Variants in AKT3 observed in about 807,000 individuals in gnomAD.
The protein encoded by AKT3 is RAC-gamma serine/threonine-protein kinase.
AKT3 carries 15 observed loss-of-function variants against 65.3 expected under a neutral mutation model. That is an observed-to-expected ratio of 0.23 (90% CI 0.15 to 0.35). The LOEUF is 0.35. Ranked by LOEUF, AKT3 falls within the 10% of genes least tolerant of loss-of-function variation. AKT3 has a pLI of 1.00. For synonymous variants in AKT3, 206 were observed against 183.8 expected (o/e 1.12, Z -0.98); for missense variants, 243 against 576.5 (o/e 0.42, Z 5.92).
At chr1:243,540,638 T>C (rs1672245315) in intron 12 of AKT3, among the ~76,000 whole-genome samples, 2 of 152,168 alleles carry the variant, frequency 1.3e-5, no homozygotes, top group Admixed American at 6.6e-5. Context: ...TGCAATACTA[T>C]TAACTAAACT....
At chr1:243,625,581 C>G (rs941989251) in intron 6 of AKT3, among the ~76,000 whole-genome samples, 3 of 152,102 alleles carry the variant, frequency 2.0e-5, no homozygotes, top group Non-Finnish European at 4.4e-5. Flanking sequence ...CTGAAAAAAA[C>G]AGACAGTATA....
Position 243,607,082 on chromosome 1 carries a change from A to G in AKT3, c.696+6589T>C, listed in dbSNP as rs566497964. ...TGGATGACCAGTCTGCTGCAGGGGC[A>G]GAGTCCTCATGGAGAACCTCTGCTA... On this transcript the variant is annotated intron_variant, in intron 8 of 13. Coordinates refer to ENST00000673466, the MANE Select transcript of AKT3 (RefSeq NM_005465.7). 2.0e-3 allele frequency among the ~76,000 whole-genome samples: 298 copies of G among 152,380 alleles called. 1 individual carries two copies. The highest frequency in any genetic ancestry group is 6.9e-3 in the African/African-American group (287 of 41,600).
At chr1:243,667,212 G>A (rs1682849095) in intron 3 of AKT3, among the ~76,000 whole-genome samples, 2 of 152,178 alleles carry the variant, frequency 1.3e-5, no homozygotes, top group African/African-American at 4.8e-5. Flanking sequence ...CAGATTCTGT[G>A]TGCCCAATGC....
At chr1:243,832,910 T>C (rs1003229146) in intron 2 of AKT3, among the ~76,000 whole-genome samples, 1 of 152,208 alleles carries the variant, frequency 6.6e-6, no homozygotes, top group South Asian at 2.1e-4. Flanking sequence ...TAGCAATCTG[T>C]TATGGACCAA....
intron 2 of AKT3, among the ~76,000 whole-genome samples, chr1:243,750,377 C>T (rs1688727145): frequency 6.7e-6 from 1 of 149,772 alleles, no homozygotes; most frequent in Non-Finnish European, 1.5e-5. Flanking sequence ...CCTTCTCCCA[C>T]CTTCTCTCCC....
chr1:243,489,051 C>T, intron 13 of AKT3: 1 of 1,613,416 alleles, frequency 6.2e-7, no homozygotes, highest in Non-Finnish European at 8.5e-7. Context: ...GGCCACAGCC[C>T]AGCAGCTGGT....
intron 2 of AKT3, among the ~76,000 whole-genome samples, chr1:243,754,723 T>C (rs1689018148): frequency 6.6e-6 from 1 of 152,184 alleles, no homozygotes; most frequent in Admixed American, 6.5e-5. Context: ...CCTGATGGTC[T>C]GAAGTGCAAC....
intron 3 of AKT3, among the ~76,000 whole-genome samples, chr1:243,683,283 T>G (rs1684049990): frequency 6.6e-6 from 1 of 152,172 alleles, no homozygotes. Flanking sequence ...GTTGGTTTCC[T>G]TATTTCCTTC....
chr1:243,552,288 CAAAAAAAAAA>C lies in AKT3; in HGVS notation c.1163+431_1163+440del, dbSNP rs33995513. On this transcript the variant is annotated intron_variant, in intron 11 of 13. Transcript: ENST00000673466. Reference sequence around the variant, plus strand: ...TGGGTGGCAGAGTGAGACTCTGTCTCAAAAAAAAAAAAAAAAAAAAAAAAAAATGCAATTA... The same window carrying C: ...TGGGTGGCAGAGTGAGACTCTGTCTCAAAAAAAAAAAAAAAAATGCAATTA... 9.4e-4 allele frequency among the ~76,000 whole-genome samples: 47 copies of C among 50,166 alleles called. 1 individual carries two copies. Among genetic ancestry groups the C allele is most frequent in the East Asian group, 2.0e-3 (3 of 1,488 alleles). 32.9% of individuals were successfully genotyped at this position (50,166 alleles called of 152,430 possible). A position where few individuals can be genotyped will look rare whatever the true frequency, so the allele number is the denominator to read the frequency against.
At position 243,502,238 on chromosome 1, in the gene AKT3, A is replaced by T. The variant is rs1367561227; in HGVS notation, c.*3011T>A. 2 of 232,650 alleles carry T rather than the reference A, an allele frequency of 8.6e-6. No individual in the cohort carries two copies. The highest frequency in any genetic ancestry group is 1.7e-5 in the Non-Finnish European group (2 of 117,772). 14.4% of individuals were successfully genotyped at this position (232,650 alleles called of 1,614,324 possible). ...GTGTATGTTGAGGTGTAATAGAGAG[A>T]CCCTGCAGTTAGTAAGGAAGGCCCT... is the stretch of plus-strand genomic sequence containing the variant. On this transcript the variant is annotated 3_prime_UTR_variant, in exon 14 of 14. Coordinates refer to ENST00000673466, the MANE Select transcript of AKT3 (RefSeq NM_005465.7).
chr1:243,500,086 T>TAAAG lies in AKT3; in HGVS notation c.*5159_*5162dup, dbSNP rs1553387590. The TAAAG allele has an allele frequency of 1.7e-5, 7 of 418,990 alleles. No homozygotes were observed. The East Asian group carries it at 2.5e-4, about 15-fold the overall frequency. The allele number at this position is 418,990 out of a possible 1,614,324, so 26.0% of individuals were successfully genotyped here. On this transcript the variant is annotated 3_prime_UTR_variant, in exon 14 of 14. Coordinates refer to ENST00000673466, the MANE Select transcript of AKT3 (RefSeq NM_005465.7). ...TATGATTTTCAATAAATGAACTTTT[T>TAAAG]AAAGACTTGAGTTGTAATGTTTCCT...
chr1:243,573,129 C>T (rs1674682782), intron 8 of AKT3, 81 bp from the exon 9 acceptor site: 1 of 1,494,208 alleles, frequency 6.7e-7, no homozygotes, highest in Admixed American at 1.8e-5. Context: ...AAACACCTCT[C>T]ATCACCATAT....
At chr1:243,798,645 T>C (rs1317440313) in intron 2 of AKT3, among the ~76,000 whole-genome samples, 2 of 152,148 alleles carry the variant, frequency 1.3e-5, no homozygotes, top group Admixed American at 6.5e-5. Context: ...AGCTCACTCC[T>C]AGACAGCAAA....
intron 12 of AKT3, among the ~76,000 whole-genome samples, chr1:243,531,714 T>C (rs1277192653): frequency 1.3e-5 from 2 of 152,232 alleles, no homozygotes; most frequent in African/African-American, 2.4e-5. Flanking sequence ...TTTTGAGTAC[T>C]CTCATCTTAA....
At chr1:243,683,257 T>C (rs190635886) in intron 3 of AKT3, among the ~76,000 whole-genome samples, 1 of 152,322 alleles carries the variant, frequency 6.6e-6, no homozygotes, top group East Asian at 1.9e-4. Context: ...TGATACATAG[T>C]AACGCTCAAA....
At chr1:243,489,479 G>A (rs1181144373) in intron 13 of AKT3, among the ~76,000 whole-genome samples, 3 of 152,216 alleles carry the variant, frequency 2.0e-5, no homozygotes, top group Non-Finnish European at 4.4e-5. Context: ...AGGCTTTTTG[G>A]AGGATGGTGG....
At chr1:243,769,825 G>A (rs186251758) in intron 2 of AKT3, among the ~76,000 whole-genome samples, 45 of 152,180 alleles carry the variant, frequency 3.0e-4, no homozygotes, top group African/African-American at 8.2e-4. Flanking sequence ...TTATTTTGAT[G>A]AAGTATACTT....
intron 2 of AKT3, among the ~76,000 whole-genome samples, chr1:243,721,432 A>C (rs1442834026): frequency 6.6e-6 from 1 of 152,120 alleles, no homozygotes; most frequent in Admixed American, 6.5e-5. Flanking sequence ...CACTGAACCT[A>C]AGCACTGAAA....
At chr1:243,714,525 A>G (rs1174599531) in intron 2 of AKT3, among the ~76,000 whole-genome samples, 1 of 152,172 alleles carries the variant, frequency 6.6e-6, no homozygotes, top group African/African-American at 2.4e-5. Context: ...TTAATTTTGT[A>G]TTTCACTGAA....
Sources: gnomAD v4.1 joint callset for allele counts (sites outside exome capture counted in the v4.1 genomes callset) on GRCh38, gnomAD v4.1.1 for gene constraint, MANE v1.5 for transcripts, NCBI Gene and HGNC (gene_info 2026-07-23, HGNC 2026-07-21) for gene names.